CYP2C19: variants seen among roughly 807,000 people sequenced by gnomAD.
CYP2C19 encodes the protein cytochrome P450 family 2 subfamily C member 19.
A neutral mutation model predicts 40.9 loss-of-function variants in CYP2C19; 59 were observed. That is an observed-to-expected ratio of 1.44 (90% CI 1.17 to 1.79). CYP2C19 has a LOEUF of 1.79. Among genes scored for constraint, CYP2C19 ranks in the 40% most tolerant of loss-of-function variants. The pLI, the probability that CYP2C19 is intolerant of heterozygous loss-of-function variation, is 0.00. For synonymous variants in CYP2C19, 253 were observed against 208.7 expected, an observed-to-expected ratio of 1.21 and a Z score of -1.83; for missense variants, 754 against 596.9, an observed-to-expected ratio of 1.26 and a Z score of -2.74.
intron 5 of CYP2C19, among the ~76,000 whole-genome samples, chr10:94,817,822 G>C (rs1031928310): frequency 6.6e-6 from 1 of 151,820 alleles, no homozygotes; most frequent in Non-Finnish European, 1.5e-5. Context: ...GACCATCCTG[G>C]CTAAAACGGT....
Position 94,819,191 on chromosome 10 carries a change from C to T in CYP2C19, c.820-1305C>T, listed in dbSNP as rs1375729095. On this transcript the variant is annotated intron_variant, in intron 5 of 8. Coordinates refer to ENST00000371321, the MANE Select transcript of CYP2C19 (RefSeq NM_000769.4). ...AAATAAAGATGTTCTTTGAAACCAA[C>T]GAGAACAAAGACACAACATACCAGA... 1.9e-3 allele frequency among the ~76,000 whole-genome samples: 273 copies of T among 142,370 alleles called. 1 individual carries two copies. The highest frequency in any genetic ancestry group is 6.4e-3 in the African/African-American group (243 of 37,842). The allele number at this position is 142,370 out of a possible 152,430, so 93.4% of individuals were successfully genotyped here. A position where few individuals can be genotyped will look rare whatever the true frequency, so the allele number is the denominator to read the frequency against.
chr10:94,842,878 C>T lies in CYP2C19; in HGVS notation c.1003C>T (p.Arg335Trp), dbSNP rs368758960. The change falls in exon 7 of 9, where the codon CGG becomes TGG. Residue 335 changes from arginine to tryptophan, a missense_variant. Physicochemically the swap from Arg to Trp is moderately radical, Grantham distance 101 (BLOSUM62 -3). Transcript: ENST00000371321. ...GATTGAACGTGTCATTGGCAGAAACCGGAGCCCCTGCATGCAGGACAGGGG... is the reference window on the plus strand; with the variant it reads ...GATTGAACGTGTCATTGGCAGAAACTGGAGCCCCTGCATGCAGGACAGGGG... ...EEIERVIGRNRSPCMQDRGHM... is the reference protein window; with the variant it reads ...EEIERVIGRNWSPCMQDRGHM... 6.1e-5 allele frequency: 99 copies of T among 1,614,172 alleles called. No homozygotes were observed. Among genetic ancestry groups the T allele is most frequent in the South Asian group, 9.9e-5 (9 of 91,086 alleles).
At position 94,853,023 on chromosome 10, in the gene CYP2C19, C is replaced by T; in HGVS notation, c.*109C>T. 8.1e-7 allele frequency: 1 copy of T among 1,233,714 alleles called. No homozygotes were observed. Among genetic ancestry groups the T allele is most frequent in the Non-Finnish European group, 1.1e-6 (1 of 877,686 alleles). The allele number at this position is 1,233,714 out of a possible 1,614,324, so 76.4% of individuals were successfully genotyped here. A position where few individuals can be genotyped will look rare whatever the true frequency, so the allele number is the denominator to read the frequency against. ...CTTCTGACCCGTCATCTCACATTTT[C>T]CCTTCCCCCAAGATCTAGTGAACAT... On this transcript the variant is annotated 3_prime_UTR_variant, in exon 9 of 9. Transcript: ENST00000371321.
At chr10:94,842,393 GTTT>G (rs57865512) in intron 6 of CYP2C19, among the ~76,000 whole-genome samples, 5 of 86,940 alleles carry the variant, frequency 5.8e-5, no homozygotes, top group Admixed American at 1.2e-4. Context: ...TTTAAGTGAA[GTTT>G]TTTTTTTTTT....
rs369690324 is a variant in CYP2C19, at chr10:94,812,544, A to G, written c.820-7952A>G. On this transcript the variant is annotated intron_variant, in intron 5 of 8. Transcript: ENST00000371321. ...CGTAGATTTGGTCTTTTCACATAGCACCACATTTCTTGGAGGCTATGTTCA... is the reference window on the plus strand; with the variant it reads ...CGTAGATTTGGTCTTTTCACATAGCGCCACATTTCTTGGAGGCTATGTTCA... Among the ~76,000 whole-genome samples, 506 of 151,796 alleles carry G rather than the reference A, an allele frequency of 3.3e-3. 1 individual carries two copies. The highest frequency in any genetic ancestry group is 9.9e-3 in the African/African-American group (408 of 41,208).
At position 94,830,092 on chromosome 10, in the gene CYP2C19, T is replaced by G. The variant is rs535102151; in HGVS notation, c.961+9455T>G. Among the ~76,000 whole-genome samples, 822 of 152,238 alleles carry G rather than the reference T, an allele frequency of 5.4e-3. 9 individuals carry two copies. The highest frequency in any genetic ancestry group is 0.019 in the African/African-American group (780 of 41,528). ...ACAGGGACATTTAAGTCTGCAGAGG[T>G]TACTGCTGTCTTTTTGTTTGTCTGT... On this transcript the variant is annotated intron_variant, in intron 6 of 8. Coordinates refer to ENST00000371321, the MANE Select transcript of CYP2C19 (RefSeq NM_000769.4).
chr10:94,775,845 G>A lies in CYP2C19; in HGVS notation c.481+306G>A, dbSNP rs1848400816. 4.5e-5 allele frequency: 20 copies of A among 442,318 alleles called. No homozygotes were observed. In the South Asian group the frequency reaches 5.2e-4, roughly 12 times the overall value. The allele number at this position is 442,318 out of a possible 1,614,324, so 27.4% of individuals were successfully genotyped here. A position where few individuals can be genotyped will look rare whatever the true frequency, so the allele number is the denominator to read the frequency against. ...GATTTTGAGTTCATTTTTTGAAAGA[G>A]TTAAAGAGCAGTGTTTTTCCCATTA... On this transcript the variant is annotated intron_variant, in intron 3 of 8. Transcript: ENST00000371321.
intron 6 of CYP2C19, among the ~76,000 whole-genome samples, chr10:94,823,377 A>G (rs1849159843): frequency 6.6e-6 from 1 of 152,206 alleles, no homozygotes; most frequent in Admixed American, 6.5e-5. Context: ...CATGAGGTGT[A>G]GGCTAGAAAG....
chr10:94,847,229 C>T (rs1261063408), intron 7 of CYP2C19, among the ~76,000 whole-genome samples: 1 of 152,084 alleles, frequency 6.6e-6, no homozygotes, highest in Non-Finnish European at 1.5e-5. Context: ...CCTCCTCCCT[C>T]CCTCCACCCC....
intron 6 of CYP2C19, among the ~76,000 whole-genome samples, chr10:94,837,829 G>A (rs1306415021): frequency 6.6e-6 from 1 of 152,200 alleles, no homozygotes; most frequent in African/African-American, 2.4e-5. Context: ...CATCTGGTTA[G>A]TGGCTTCTGA....
At chr10:94,846,896 A>T (rs1320965755) in intron 7 of CYP2C19, among the ~76,000 whole-genome samples, 5 of 151,880 alleles carry the variant, frequency 3.3e-5, no homozygotes, top group Non-Finnish European at 2.9e-5. Flanking sequence ...AATGATAACA[A>T]ACAAACTACA....
intron 5 of CYP2C19, among the ~76,000 whole-genome samples, chr10:94,812,852 G>A (rs1343523261): frequency 1.3e-5 from 2 of 151,996 alleles, no homozygotes; most frequent in Non-Finnish European, 2.9e-5. Flanking sequence ...ACCTTCTGAA[G>A]CCTACTTCTG....
At chr10:94,789,080 A>C (rs575488996) in intron 5 of CYP2C19, among the ~76,000 whole-genome samples, 1 of 152,182 alleles carries the variant, frequency 6.6e-6, no homozygotes, top group East Asian at 1.9e-4. Flanking sequence ...TTTGATTTGC[A>C]TTCTTCTAAT....
intron 6 of CYP2C19, among the ~76,000 whole-genome samples, chr10:94,833,003 T>C (rs1156605995): frequency 1.3e-5 from 2 of 152,224 alleles, no homozygotes; most frequent in African/African-American, 4.8e-5. Context: ...TTCCTAGGTA[T>C]TTTATTTTAT....
At chr10:94,788,859 A>G (rs1314314088) in intron 5 of CYP2C19, among the ~76,000 whole-genome samples, 3 of 152,166 alleles carry the variant, frequency 2.0e-5, no homozygotes, top group African/African-American at 7.2e-5. Flanking sequence ...TTGGGTATAT[A>G]CCCAGTAATG....
intron 5 of CYP2C19, among the ~76,000 whole-genome samples, chr10:94,820,019 G>A (rs1849085564): frequency 6.8e-6 from 1 of 148,010 alleles, no homozygotes; most frequent in Non-Finnish European, 1.5e-5. Flanking sequence ...GAATCCAGCA[G>A]CACATCAAAA....
Position 94,854,005 on chromosome 10 carries a change from C to G in CYP2C19, c.*1091C>G, listed in dbSNP as rs529385393. On this transcript the variant is annotated 3_prime_UTR_variant, in exon 9 of 9. Coordinates refer to ENST00000371321, the MANE Select transcript of CYP2C19 (RefSeq NM_000769.4). ...TCATGCTTCTCTCTTCAAACATGAA[C>G]AAAATTTCTTTTCTTTTTTCTTTTT... is the stretch of plus-strand genomic sequence containing the variant. Among the ~76,000 whole-genome samples, 1 of 151,806 alleles carries G rather than the reference C, an allele frequency of 6.6e-6. No individual in the cohort carries two copies. The highest frequency in any genetic ancestry group is 1.5e-5 in the Non-Finnish European group (1 of 67,940).
chr10:94,850,143 G>A (rs1356381663), intron 8 of CYP2C19, 85 bp downstream of exon 8: 2 of 1,460,774 alleles, frequency 1.4e-6, no homozygotes, highest in South Asian at 1.1e-5. Context: ...CTTCTCTGCA[G>A]TGGTACAGTT....
At chr10:94,785,632 C>A (rs1443792654) in intron 5 of CYP2C19, among the ~76,000 whole-genome samples, 2 of 152,086 alleles carry the variant, frequency 1.3e-5, no homozygotes, top group African/African-American at 4.8e-5. Flanking sequence ...ATTACTTAGG[C>A]AGAGAGTAAG....
Sources: allele counts gnomAD v4.1 joint callset (sites outside exome capture counted in the v4.1 genomes callset), GRCh38; gene constraint gnomAD v4.1.1; transcripts MANE v1.5; gene names NCBI Gene and HGNC (gene_info 2026-07-23, HGNC 2026-07-21).